CAMTA1: variants seen among roughly 807,000 people sequenced by gnomAD.
CAMTA1 encodes the protein calmodulin binding transcription activator 1, also known as calmodulin-binding transcription activator 1.
In CAMTA1, 27 loss-of-function variants were observed where a neutral mutation model predicts 170.9. The observed-to-expected ratio is 0.16, with a 90% CI of 0.12 to 0.22. The LOEUF is 0.22. CAMTA1 is among the 10% of genes least tolerant of loss of function. CAMTA1 has a pLI of 1.00. For synonymous variants in CAMTA1, 833 were observed against 891.5 expected, an observed-to-expected ratio of 0.93 and a Z score of 1.17; for missense variants, 1,619 against 2,217.2, an observed-to-expected ratio of 0.73 and a Z score of 5.42.
chr1:7,116,397 G>A (rs1325777110), intron 4 of CAMTA1, among the ~76,000 whole-genome samples: 1 of 152,108 alleles, frequency 6.6e-6, no homozygotes, highest in Non-Finnish European at 1.5e-5. Context: ...TGCTGTTTGT[G>A]GGTGAGTTCT....
At chr1:7,407,381 A>G (rs2090375559) in intron 5 of CAMTA1, among the ~76,000 whole-genome samples, 2 of 152,134 alleles carry the variant, frequency 1.3e-5, no homozygotes, top group African/African-American at 4.8e-5. Flanking sequence ...ACCTGCATGC[A>G]GTGTGTGACT....
chr1:7,084,234 G>A (rs1280945173), intron 3 of CAMTA1, among the ~76,000 whole-genome samples: 1 of 152,074 alleles, frequency 6.6e-6, no homozygotes, highest in African/African-American at 2.4e-5. Flanking sequence ...GTTACAGTGA[G>A]CACTAAAGAC....
intron 11 of CAMTA1, among the ~76,000 whole-genome samples, chr1:7,702,250 C>G (rs947419): frequency 0.91 from 139,130 of 152,164 alleles, 63,753 homozygotes; most frequent in East Asian, 1. Flanking sequence ...GGGGCTGCTG[C>G]AGGAAGGGTG....
chr1:6,885,413 T>G (rs1310065933), intron 3 of CAMTA1, among the ~76,000 whole-genome samples: 1 of 152,238 alleles, frequency 6.6e-6, no homozygotes, highest in Non-Finnish European at 1.5e-5. Context: ...TATTTTCTAT[T>G]TATACCTGAG....
chr1:6,917,848 G>T (rs937038547), intron 3 of CAMTA1, among the ~76,000 whole-genome samples: 9 of 126,226 alleles, frequency 7.1e-5, no homozygotes, highest in South Asian at 5.5e-4. Context: ...AACCCATCGG[G>T]GGCGGGGGGG....
chr1:6,801,479 C>T (rs1432338740), intron 1 of CAMTA1, among the ~76,000 whole-genome samples: 1 of 152,048 alleles, frequency 6.6e-6, no homozygotes, highest in Admixed American at 6.6e-5. Flanking sequence ...TGATGAGGCT[C>T]CTGGCCCTTG....
At chr1:7,120,929 C>G (rs767326763) in intron 4 of CAMTA1, among the ~76,000 whole-genome samples, 1 of 152,240 alleles carries the variant, frequency 6.6e-6, no homozygotes, top group Non-Finnish European at 1.5e-5. Context: ...ATAAAGTTAT[C>G]TTTCAAAGAG....
At chr1:6,916,663 T>C (rs1051195262) in intron 3 of CAMTA1, among the ~76,000 whole-genome samples, 2 of 152,184 alleles carry the variant, frequency 1.3e-5, no homozygotes, top group Non-Finnish European at 2.9e-5. Context: ...GTGAGACCCA[T>C]GGTGGGCTCC....
intron 3 of CAMTA1, among the ~76,000 whole-genome samples, chr1:6,878,426 C>G (rs1194730059): frequency 6.6e-6 from 1 of 152,208 alleles, no homozygotes; most frequent in Admixed American, 6.5e-5. Flanking sequence ...TTAGGATTAT[C>G]AGCTAAATAC....
intron 5 of CAMTA1, among the ~76,000 whole-genome samples, chr1:7,330,115 A>G (rs1010220034): frequency 6.6e-6 from 1 of 152,148 alleles, no homozygotes; most frequent in African/African-American, 2.4e-5. Context: ...ACCTTGAGCC[A>G]TTACTACCAG....
chr1:6,894,937 A>T (rs532734087), intron 3 of CAMTA1, among the ~76,000 whole-genome samples: 1 of 152,312 alleles, frequency 6.6e-6, no homozygotes, highest in South Asian at 2.1e-4. Context: ...GCTGCTTCAG[A>T]TGGAGGGTCT....
At chr1:7,148,322 C>A (rs563760826) in intron 4 of CAMTA1, among the ~76,000 whole-genome samples, 26 of 151,118 alleles carry the variant, frequency 1.7e-4, no homozygotes, top group Non-Finnish European at 2.8e-4. Flanking sequence ...TGTATGCCCC[C>A]CACACACACA....
intron 6 of CAMTA1, among the ~76,000 whole-genome samples, chr1:7,579,779 C>G (rs903870288): frequency 1.3e-5 from 2 of 151,984 alleles, no homozygotes; most frequent in African/African-American, 4.8e-5. Context: ...AGGCTGGTCT[C>G]GAACTCCTGA....
intron 1 of CAMTA1, among the ~76,000 whole-genome samples, chr1:6,788,158 TCTCCCTCCCTCCCTCC>T (rs111997145): frequency 1.7e-4 from 25 of 150,100 alleles, no homozygotes; most frequent in African/African-American, 3.2e-4. Flanking sequence ...CCTCCTCAGG[TCTCCCTCCCTCCCTCC>T]CTCCCTCCCT....
In CAMTA1 at chr1:7,395,163, G is replaced by A. The variant is rs575174215; in HGVS notation, c.439-72667G>A. ...CTCCCAAAGTGCTGGGATTACAGGC[G>A]TGAGCCACCGCACCTGGCCTCTTCT... On this transcript the variant is annotated intron_variant, in intron 5 of 22. Coordinates refer to ENST00000303635, the MANE Select transcript of CAMTA1 (RefSeq NM_015215.4). Among the ~76,000 whole-genome samples, 8 of 152,324 alleles carry A rather than the reference G, an allele frequency of 5.3e-5. No individual in the cohort carries two copies. In the East Asian group the frequency reaches 1.2e-3, roughly 22 times the overall value.
At chr1:7,489,609 A>G (rs1372968402) in intron 6 of CAMTA1, among the ~76,000 whole-genome samples, 1 of 152,206 alleles carries the variant, frequency 6.6e-6, no homozygotes. Context: ...GTGGAGACTC[A>G]CAAGGGACCT....
At chr1:7,289,723 A>G (rs1672848015) in intron 5 of CAMTA1, among the ~76,000 whole-genome samples, 1 of 152,124 alleles carries the variant, frequency 6.6e-6, no homozygotes, top group Non-Finnish European at 1.5e-5. Flanking sequence ...TTTGGATAGG[A>G]CACACAGACT....
chr1:7,425,356 G>A (rs2091820491), intron 5 of CAMTA1, among the ~76,000 whole-genome samples: 1 of 152,130 alleles, frequency 6.6e-6, no homozygotes, highest in Admixed American at 6.5e-5. Context: ...TGGCATTATG[G>A]TCTGGGTGCT....
At chr1:7,147,542 A>G (rs1383961139) in intron 4 of CAMTA1, among the ~76,000 whole-genome samples, 3 of 151,682 alleles carry the variant, frequency 2.0e-5, no homozygotes, top group Admixed American at 6.6e-5. Flanking sequence ...AACATACACT[A>G]TGCACACGCA....
Sources: gnomAD v4.1 joint callset for allele counts (sites outside exome capture counted in the v4.1 genomes callset) on GRCh38, gnomAD v4.1.1 for gene constraint, MANE v1.5 for transcripts, NCBI Gene and HGNC (gene_info 2026-07-23, HGNC 2026-07-21) for gene names.